SCFD2: variants seen among roughly 807,000 people sequenced by gnomAD.
SCFD2 encodes the protein sec1 family domain containing 2.
In SCFD2, 54 loss-of-function variants were observed where a neutral mutation model predicts 58.9. The observed-to-expected ratio is 0.92, with a 90% confidence interval of 0.74 to 1.15. The LOEUF is 1.15. Among genes scored for constraint, SCFD2 ranks in the 50% most tolerant of loss-of-function variants. SCFD2 has a pLI of 0.00. For synonymous variants in SCFD2, 321 were observed against 335.9 expected (o/e 0.96, Z 0.49); for missense variants, 805 against 836.6 (o/e 0.96, Z 0.47).
At chr4:53,084,210 C>T (rs1175832103) in intron 5 of SCFD2, among the ~76,000 whole-genome samples, 1 of 152,128 alleles carries the variant, frequency 6.6e-6, no homozygotes, top group Non-Finnish European at 1.5e-5. Context: ...CGTTTATGGA[C>T]CTCCCTCCAG....
intron 5 of SCFD2, chr4:52,955,943 C>G: frequency 2.5e-6 from 1 of 405,406 alleles, no homozygotes; most frequent in Non-Finnish European, 4.9e-6. Context: ...AAGATAATCC[C>G]TTACATTAAC....
chr4:52,968,031 C>A (rs1045506619), intron 5 of SCFD2, among the ~76,000 whole-genome samples: 1 of 151,956 alleles, frequency 6.6e-6, no homozygotes, highest in African/African-American at 2.4e-5. Context: ...GGAAGGCTGG[C>A]AACACATAAT....
intron 4 of SCFD2, among the ~76,000 whole-genome samples, chr4:53,210,761 A>T (rs1159470569): frequency 6.6e-6 from 1 of 151,952 alleles, no homozygotes; most frequent in Non-Finnish European, 1.5e-5. Flanking sequence ...CCTTTGTTAC[A>T]GTCTTTTATT....
chr4:53,036,621 C>T (rs573646334), intron 5 of SCFD2, among the ~76,000 whole-genome samples: 209 of 151,866 alleles, frequency 1.4e-3, no homozygotes, highest in African/African-American at 4.8e-3. Flanking sequence ...CATGTTCTCA[C>T]GCAAAAGTGG....
chr4:53,052,719 T>G (rs1455490142), intron 5 of SCFD2, among the ~76,000 whole-genome samples: 3 of 152,190 alleles, frequency 2.0e-5, no homozygotes, highest in African/African-American at 4.8e-5. Flanking sequence ...CTGTTCTTGG[T>G]TCACTTTCAG....
Position 53,365,757 on chromosome 4 carries a change from T to C in SCFD2, c.185A>G (p.Asp62Gly). Residue 62 changes from aspartate (D) to glycine (G), a missense_variant, in exon 1 of 9, where the codon GAC (aspartate) becomes GGC (glycine). Physicochemically the swap from Asp to Gly is moderately conservative, Grantham distance 94. This residue lies in a region of SCFD2 where 155 missense variants were observed against 149.7 expected (regional missense o/e 1.04). Coordinates refer to ENST00000401642, the MANE Select transcript of SCFD2 (RefSeq NM_152540.4). This position sits in a 1 kb window ranked among gnomAD's most constrained non-coding sequence, Gnocchi z 4.3. ...CTGCTTGGCTCCACCACCAATTGCG[T>C]CGGGCTCGAACTCTCGCAGGTGACA... ...PDCHLREFEP[D>G]AIGGGAKQPK... 1 of 1,613,766 alleles carries C rather than the reference T, an allele frequency of 6.2e-7. No individual in the cohort carries two copies. Among genetic ancestry groups the C allele is most frequent in the African/African-American group, 1.3e-5 (1 of 74,990 alleles).
rs1718397611 is a variant in SCFD2, at chr4:52,873,518, C to T, written c.*451G>A. On this transcript the variant is annotated 3_prime_UTR_variant, in exon 9 of 9. Transcript: ENST00000401642. ...CAGACCCTATTTGCAATGTTCCCTCCTCAGTTATATAATCCTAAGGAACAT... is the reference window on the plus strand; with the variant it reads ...CAGACCCTATTTGCAATGTTCCCTCTTCAGTTATATAATCCTAAGGAACAT... 6.5e-6 allele frequency: 1 copy of T among 154,844 alleles called. No individual in the cohort carries two copies. Among genetic ancestry groups the T allele is most frequent in the African/African-American group, 2.4e-5 (1 of 41,458 alleles). 9.6% of individuals were successfully genotyped at this position (154,844 alleles called of 1,614,324 possible). A position where few individuals can be genotyped will look rare whatever the true frequency, so the allele number is the denominator to read the frequency against.
chr4:53,138,026 A>G (rs1379907340), intron 5 of SCFD2, among the ~76,000 whole-genome samples: 1 of 152,148 alleles, frequency 6.6e-6, no homozygotes, highest in Non-Finnish European at 1.5e-5. Flanking sequence ...TCAATCTACT[A>G]TGCAAACATT....
At chr4:53,135,700 C>T (rs1176969305) in intron 5 of SCFD2, among the ~76,000 whole-genome samples, 1 of 151,992 alleles carries the variant, frequency 6.6e-6, no homozygotes, top group East Asian at 1.9e-4. Context: ...CAAGATTGTA[C>T]CACTGCACTC....
At chr4:53,211,244 A>G (rs1728601057) in intron 4 of SCFD2, among the ~76,000 whole-genome samples, 1 of 149,362 alleles carries the variant, frequency 6.7e-6, no homozygotes, top group Non-Finnish European at 1.5e-5. Flanking sequence ...TCCATGTGAA[A>G]AAAAAAAAAA....
intron 4 of SCFD2, among the ~76,000 whole-genome samples, chr4:53,169,197 GA>G (rs1727102882): frequency 2.0e-5 from 3 of 152,062 alleles, no homozygotes; most frequent in Admixed American, 6.5e-5. Context: ...CCAACATGGC[GA>G]AACCCCATCT....
intron 5 of SCFD2, among the ~76,000 whole-genome samples, chr4:53,107,198 G>A (rs752000224): frequency 6.6e-6 from 1 of 152,068 alleles, no homozygotes; most frequent in Non-Finnish European, 1.5e-5. Flanking sequence ...TCACCACCAG[G>A]CCTGCCTTAC....
At chr4:53,103,590 A>T (rs1436938407) in intron 5 of SCFD2, among the ~76,000 whole-genome samples, 6 of 148,464 alleles carry the variant, frequency 4.0e-5, no homozygotes, top group Non-Finnish European at 8.9e-5. Flanking sequence ...TCTGTCAACT[A>T]AGAGGATGTA....
intron 5 of SCFD2, among the ~76,000 whole-genome samples, chr4:53,099,719 A>T (rs2148874125): frequency 6.6e-6 from 1 of 152,140 alleles, no homozygotes; most frequent in East Asian, 1.9e-4. Flanking sequence ...CCCCCTACCC[A>T]CTTAGGGAGG....
chr4:52,906,914 T>G (rs147591481), intron 7 of SCFD2, among the ~76,000 whole-genome samples: 5 of 152,318 alleles, frequency 3.3e-5, no homozygotes, highest in African/African-American at 1.2e-4. Context: ...TTTCCTCCTT[T>G]CATCCCCACT....
chr4:53,116,798 G>A (rs1725334049), intron 5 of SCFD2, among the ~76,000 whole-genome samples: 1 of 152,180 alleles, frequency 6.6e-6, no homozygotes, highest in Non-Finnish European at 1.5e-5. Context: ...ACAAATAACA[G>A]AGCTAGCACA....
chr4:53,278,853 T>A (rs1025716018), intron 3 of SCFD2, among the ~76,000 whole-genome samples: 1 of 151,238 alleles, frequency 6.6e-6, no homozygotes, highest in African/African-American at 2.4e-5. Context: ...TAACTGGAAT[T>A]TAAGTTAAAA....
intron 3 of SCFD2, among the ~76,000 whole-genome samples, chr4:53,309,873 C>T (rs1419092788): frequency 6.6e-6 from 1 of 152,188 alleles, no homozygotes; most frequent in Non-Finnish European, 1.5e-5. Flanking sequence ...ATAGTCATAA[C>T]TTCCCTCTGC....
At chr4:53,215,893 T>C (rs1226845202) in intron 4 of SCFD2, among the ~76,000 whole-genome samples, 1 of 152,166 alleles carries the variant, frequency 6.6e-6, no homozygotes, top group Non-Finnish European at 1.5e-5. Flanking sequence ...TCTGCATCTA[T>C]TGAGATAATC....
Sources: allele counts gnomAD v4.1 joint callset (sites outside exome capture counted in the v4.1 genomes callset), GRCh38; gene constraint gnomAD v4.1.1; regional missense constraint gnomAD v4.1.1; non-coding constraint Gnocchi (gnomAD v3.1); transcripts MANE v1.5; gene names NCBI Gene and HGNC (gene_info 2026-07-23, HGNC 2026-07-21).